The following MMS19 variants were observed in gnomAD, a reference collection of about 807,000 sequenced individuals.
MMS19 encodes MMS19 nucleotide excision repair protein homolog.
Under a neutral mutation model 129.8 loss-of-function variants are expected in MMS19, and 77 were observed. That is an observed-to-expected ratio of 0.59 (90% CI 0.49 to 0.72). MMS19 has a LOEUF of 0.72. MMS19 is among the 30% of genes least tolerant of loss of function. MMS19 has a pLI of 0.00. For synonymous variants in MMS19, 491 were observed against 502.8 expected, an observed-to-expected ratio of 0.98 and a Z score of 0.31; for missense variants, 1,168 against 1,266.3, an observed-to-expected ratio of 0.92 and a Z score of 1.18.
intron 1 of MMS19, among the ~76,000 whole-genome samples, chr10:97,491,621 C>T (rs774592466): frequency 1.2e-4 from 18 of 151,830 alleles, no homozygotes; most frequent in East Asian, 2.0e-4. Flanking sequence ...GCCGAAATCA[C>T]GCCTGGGCGA....
intron 6 of MMS19, 112 bp from the exon 7 acceptor site, chr10:97,477,075 C>T: frequency 6.5e-7 from 1 of 1,547,776 alleles, no homozygotes; most frequent in Non-Finnish European, 8.7e-7. Context: ...CTCTTCAGGG[C>T]TGACCCTTTT....
Position 97,480,936 on chromosome 10 carries a change from C to G in MMS19, c.262+6G>C. ...AGGAAGACATTCCTATTAGTGACAC[C>G]AGTACCTTCCTTCTCCAGGAGCAAG... is the stretch of plus-strand genomic sequence containing the variant. On this transcript the variant is annotated splice_donor_region_variant and intron_variant, in intron 3 of 30. Transcript: ENST00000438925. 1 of 1,585,922 alleles carries G rather than the reference C, an allele frequency of 6.3e-7. No homozygotes were observed. Among genetic ancestry groups the G allele is most frequent in the South Asian group, 1.1e-5 (1 of 88,044 alleles).
intron 14 of MMS19, 91 bp downstream of exon 14, chr10:97,467,414 C>G (rs2033736509): frequency 1.1e-6 from 1 of 916,724 alleles, no homozygotes; most frequent in Non-Finnish European, 1.7e-6. Flanking sequence ...CTGTTCTAGA[C>G]TACTTTTCCA....
chr10:97,474,521 C>T (rs927532190), intron 8 of MMS19, among the ~76,000 whole-genome samples: 1 of 152,126 alleles, frequency 6.6e-6, no homozygotes, highest in African/African-American at 2.4e-5. Flanking sequence ...GCACTCCAGC[C>T]TGGGCAACAG....
intron 8 of MMS19, among the ~76,000 whole-genome samples, chr10:97,475,120 C>G (rs1241244777): frequency 6.6e-6 from 1 of 152,170 alleles, no homozygotes; most frequent in African/African-American, 2.4e-5. Flanking sequence ...GAATATTATG[C>G]AGCCATAAAG....
intron 1 of MMS19, among the ~76,000 whole-genome samples, chr10:97,489,135 C>G (rs188793371): frequency 3.3e-5 from 5 of 152,004 alleles, no homozygotes; most frequent in African/African-American, 1.2e-4. Flanking sequence ...GCCAACACAC[C>G]GGGCCTGTAG....
At chr10:97,479,247 C>G (rs2036312872) in intron 3 of MMS19, among the ~76,000 whole-genome samples, 1 of 152,172 alleles carries the variant, frequency 6.6e-6, no homozygotes, top group African/African-American at 2.4e-5. Context: ...TGGTGTTCCT[C>G]CACTCATTGG....
chr10:97,459,293 A>G lies in MMS19; in HGVS notation c.2905-11T>C. 1 of 1,613,424 alleles carries G rather than the reference A, an allele frequency of 6.2e-7. No individual in the cohort carries two copies. Among genetic ancestry groups the G allele is most frequent in the South Asian group, 1.1e-5 (1 of 91,002 alleles). On this transcript the variant is annotated splice_polypyrimidine_tract_variant and intron_variant, in intron 28 of 30. Transcript: ENST00000438925. ...GGCGATCCGGACAGCCTGGAACACA[A>G]CCACAAGGAGGTGAGAGCATGCCCA...
chr10:97,485,324 T>C (rs2135484747), intron 1 of MMS19, among the ~76,000 whole-genome samples: 1 of 151,996 alleles, frequency 6.6e-6, no homozygotes, highest in African/African-American at 2.4e-5. Context: ...TTTTTCTTCT[T>C]TTTTTGAGAT....
intron 2 of MMS19, among the ~76,000 whole-genome samples, chr10:97,483,198 G>A (rs571198803): frequency 2.0e-5 from 3 of 152,060 alleles, no homozygotes; most frequent in Admixed American, 1.3e-4. Flanking sequence ...GACCACAGGC[G>A]CATGCCACCA....
intron 1 of MMS19, among the ~76,000 whole-genome samples, chr10:97,489,817 G>A (rs779644206): frequency 6.6e-6 from 1 of 152,150 alleles, no homozygotes; most frequent in Non-Finnish European, 1.5e-5. Context: ...GTTTAGACTG[G>A]GGTTATGGGT....
chr10:97,466,557 C>T lies in MMS19; in HGVS notation c.1452G>A (p.Leu484=). ...TCAGTCTGTACAGGTGACCCACTGCCAGCTCCAAGTCCTCATAAGATAGGA... is the reference window on the plus strand; with the variant it reads ...TCAGTCTGTACAGGTGACCCACTGCTAGCTCCAAGTCCTCATAAGATAGGA... ...PDLLSYEDLE[L]AVGHLYRLSF... is the part of the protein sequence containing the mutation. Residue 484 remains leucine, a synonymous_variant, in exon 16 of 31, where the codon CTG becomes CTA. Transcript: ENST00000438925. 6.2e-7 allele frequency: 1 copy of T among 1,613,808 alleles called. No individual in the cohort carries two copies.
At chr10:97,479,959 G>A (rs1267884278) in intron 3 of MMS19, among the ~76,000 whole-genome samples, 1 of 152,084 alleles carries the variant, frequency 6.6e-6, no homozygotes, top group Non-Finnish European at 1.5e-5. Flanking sequence ...GTGCCAGGCC[G>A]CAACCTTTGA....
chr10:97,480,262 C>A (rs566199784), intron 3 of MMS19: 1 of 439,666 alleles, frequency 2.3e-6, no homozygotes, highest in Non-Finnish European at 4.6e-6. Context: ...CTGTGGCAGG[C>A]GGAGTTCCCT....
chr10:97,493,441 C>T (rs942856395), intron 1 of MMS19, among the ~76,000 whole-genome samples: 6 of 152,078 alleles, frequency 3.9e-5, no homozygotes, highest in Admixed American at 1.3e-4. Context: ...TGTGGTGGCA[C>T]GGGCCTGTAG....
chr10:97,472,286 C>T (rs2034882066), intron 8 of MMS19, among the ~76,000 whole-genome samples: 1 of 152,252 alleles, frequency 6.6e-6, no homozygotes, highest in Non-Finnish European at 1.5e-5. Flanking sequence ...GTTACACAAG[C>T]TGGAGTGCAA....
intron 1 of MMS19, among the ~76,000 whole-genome samples, chr10:97,489,148 A>G (rs2038433217): frequency 6.6e-6 from 1 of 152,160 alleles, no homozygotes; most frequent in South Asian, 2.1e-4. Context: ...GCCTGTAGCT[A>G]CTTTTAAAAA....
At position 97,461,601 on chromosome 10, in the gene MMS19, G is replaced by T; in HGVS notation, c.2206C>A (p.Gln736Lys). Reference sequence around the variant, plus strand: ...AGTTCCAAAAGCTCCCGCATGAGTTGGTTCAGCTGAGGGATTTCCACCTAC... The same window carrying T: ...AGTTCCAAAAGCTCCCGCATGAGTTTGTTCAGCTGAGGGATTTCCACCTAC... ...PRNVEIPQLN[Q>K]LMRELLELSC... Residue 736 changes from glutamine to lysine, a missense_variant, in exon 23 of 31, where the codon CAA (glutamine) becomes AAA (lysine). By Grantham distance (53) the Gln-to-Lys change is moderately conservative. Coordinates refer to ENST00000438925, the MANE Select transcript of MMS19 (RefSeq NM_022362.5). The T allele has an allele frequency of 6.3e-7, 1 of 1,599,714 alleles. No individual in the cohort carries two copies. The highest frequency in any genetic ancestry group is 1.1e-5 in the South Asian group (1 of 88,426).
chr10:97,480,741 C>A (rs559622120), intron 3 of MMS19, among the ~76,000 whole-genome samples: 2 of 152,222 alleles, frequency 1.3e-5, no homozygotes, highest in Non-Finnish European at 1.5e-5. Context: ...GCCCAGCTAA[C>A]GTTTTATATT....
Sources: allele counts gnomAD v4.1 joint callset (sites outside exome capture counted in the v4.1 genomes callset), GRCh38; gene constraint gnomAD v4.1.1; transcripts MANE v1.5; gene names NCBI Gene and HGNC (gene_info 2026-07-23, HGNC 2026-07-21).